NFILZ: variants seen among roughly 807,000 people sequenced by gnomAD.
NFILZ encodes NFIL3 like basic leucine zipper.
intron 3 of NFILZ, among the ~76,000 whole-genome samples, chr19:8,672,554 G>T (rs2043092944): frequency 6.7e-6 from 1 of 149,672 alleles, no homozygotes; most frequent in Admixed American, 6.7e-5. Context: ...AAATTCATGT[G>T]TTTATTAGTT....
chr19:8,654,344 G>T (rs1211832115), intron 3 of NFILZ, among the ~76,000 whole-genome samples: 1 of 149,716 alleles, frequency 6.7e-6, no homozygotes, highest in Non-Finnish European at 1.5e-5. Context: ...ATGGCTGGCA[G>T]TGGTGGCTTA....
intron 3 of NFILZ, among the ~76,000 whole-genome samples, chr19:8,646,013 A>G (rs2042937517): frequency 6.6e-6 from 1 of 152,110 alleles, no homozygotes; most frequent in Non-Finnish European, 1.5e-5. Flanking sequence ...TATAGCTCCT[A>G]CTACATGCCA....
intron 3 of NFILZ, among the ~76,000 whole-genome samples, chr19:8,656,370 C>CT (rs1600147477): frequency 3.2e-5 from 2 of 62,722 alleles, no homozygotes; most frequent in Middle Eastern, 6.6e-3. Flanking sequence ...AGCCCACCTT[C>CT]TCCCTGAAGC....
chr19:8,668,566 T>C (rs1555750027), intron 3 of NFILZ, among the ~76,000 whole-genome samples: 1 of 152,226 alleles, frequency 6.6e-6, no homozygotes, highest in African/African-American at 2.4e-5. Context: ...TAATATCTTC[T>C]AGTTGGGGAG....
chr19:8,654,501 G>A lies in NFILZ; in HGVS notation c.-164+18755G>A, dbSNP rs191871293. On this transcript the variant is annotated intron_variant, in intron 3 of 5. Transcript: ENST00000691075. ...ACGGTGGCACACATCTGTAATCCCA[G>A]CTACTAGGGAGGCTGAGGTGGGAAG... Among the ~76,000 whole-genome samples, 139 of 152,000 alleles carry A rather than the reference G, an allele frequency of 9.1e-4. 5 individuals are homozygous for A. In the East Asian group the frequency reaches 0.021, roughly 23 times the overall value.
chr19:8,656,445 C>CAGCCCACCTTCTCTCT (rs1568421649), intron 3 of NFILZ, among the ~76,000 whole-genome samples: 1 of 18,824 alleles, frequency 5.3e-5, no homozygotes, highest in Non-Finnish European at 1.5e-4. Context: ...ACCTTCTCCT[C>CAGCCCACCTTCTCTCT]GAAGCCCACC....
chr19:8,678,862 T>C lies in NFILZ; in HGVS notation c.*1227T>C, dbSNP rs1328493194. Among the ~76,000 whole-genome samples, 1 of 152,202 alleles carries C rather than the reference T, an allele frequency of 6.6e-6. No individual in the cohort carries two copies. Among genetic ancestry groups the C allele is most frequent in the Non-Finnish European group, 1.5e-5 (1 of 68,036 alleles). Reference sequence around the variant, plus strand: ...AGACCTTCCTTTTGTGCCCAGTTAGTGACAAGTGAGAAGACACTTTTCTGG... The same window carrying C: ...AGACCTTCCTTTTGTGCCCAGTTAGCGACAAGTGAGAAGACACTTTTCTGG... On this transcript the variant is annotated 3_prime_UTR_variant, in exon 6 of 6. Coordinates refer to ENST00000691075, the MANE Select transcript of NFILZ (RefSeq NM_001378600.1).
At chr19:8,669,057 C>T (rs1197539489) in intron 3 of NFILZ, among the ~76,000 whole-genome samples, 1 of 152,158 alleles carries the variant, frequency 6.6e-6, no homozygotes, top group African/African-American at 2.4e-5. Flanking sequence ...GATTCTCCTG[C>T]CTCAGTCTCC....
intron 3 of NFILZ, among the ~76,000 whole-genome samples, chr19:8,650,527 G>C (rs550824602): frequency 6.6e-6 from 1 of 151,972 alleles, no homozygotes; most frequent in Non-Finnish European, 1.5e-5. Flanking sequence ...GGTGGCACGC[G>C]CCTGTAATCC....
At chr19:8,661,842 G>A (rs942399057) in intron 3 of NFILZ, among the ~76,000 whole-genome samples, 1 of 152,080 alleles carries the variant, frequency 6.6e-6, no homozygotes, top group Admixed American at 6.6e-5. Flanking sequence ...CAGAGATCGC[G>A]CCACTGTAAT....
At chr19:8,645,326 T>C (rs1190482026) in intron 3 of NFILZ, among the ~76,000 whole-genome samples, 1 of 147,486 alleles carries the variant, frequency 6.8e-6, no homozygotes, top group Non-Finnish European at 1.5e-5. Context: ...TTTTAAGATA[T>C]GGGGGTCTAG....
chr19:8,654,318 G>GA (rs146670629), intron 3 of NFILZ, among the ~76,000 whole-genome samples: 18,897 of 92,766 alleles, frequency 0.2, 2,155 homozygotes, highest in East Asian at 0.5. Flanking sequence ...AAAAGCTACT[G>GA]AAAAAAAAAA....
At chr19:8,656,284 C>CCCACAG (rs1420223130) in intron 3 of NFILZ, among the ~76,000 whole-genome samples, 9,711 of 50,526 alleles carry the variant, frequency 0.19, 2,700 homozygotes, top group Non-Finnish European at 0.36. Context: ...CCCACCTTCT[C>CCCACAG]CCCACAGCCC....
At chr19:8,649,603 C>T (rs913281169) in intron 3 of NFILZ, among the ~76,000 whole-genome samples, 3 of 152,066 alleles carry the variant, frequency 2.0e-5, no homozygotes, top group Middle Eastern at 3.4e-3. Context: ...TTTCCATGAG[C>T]GCCTGTCTTG....
intron 3 of NFILZ, among the ~76,000 whole-genome samples, chr19:8,664,041 A>T (rs1289739988): frequency 6.6e-6 from 1 of 152,054 alleles, no homozygotes; most frequent in African/African-American, 2.4e-5. Context: ...TCCAAGACCG[A>T]GATGAATTTT....
At chr19:8,632,195 T>C (rs1212696719) in intron 1 of NFILZ, among the ~76,000 whole-genome samples, 1 of 150,850 alleles carries the variant, frequency 6.6e-6, no homozygotes, top group Non-Finnish European at 1.5e-5. Flanking sequence ...ACTGGGATGC[T>C]CTAGAGGAGC....
In NFILZ at chr19:8,648,158, C is replaced by T. The variant is rs367882501; in HGVS notation, c.-164+12412C>T. Among the ~76,000 whole-genome samples, 324 of 112,480 alleles carry T rather than the reference C, an allele frequency of 2.9e-3. 1 individual carries two copies. The highest frequency in any genetic ancestry group is 0.01 in the African/African-American group (295 of 28,158). 73.8% of individuals were successfully genotyped at this position (112,480 alleles called of 152,430 possible). ...CACTGTACTCCAACCTGGGCATGAG[C>T]GAGACTCCGTCTCAAAAAAAAAAAA... On this transcript the variant is annotated intron_variant, in intron 3 of 5. Coordinates refer to ENST00000691075, the MANE Select transcript of NFILZ (RefSeq NM_001378600.1).
intron 4 of NFILZ, among the ~76,000 whole-genome samples, chr19:8,675,027 T>C (rs2043104645): frequency 6.6e-6 from 1 of 152,150 alleles, no homozygotes; most frequent in African/African-American, 2.4e-5. Context: ...AACAAGGTTG[T>C]TTTCATTCAT....
intron 3 of NFILZ, among the ~76,000 whole-genome samples, chr19:8,673,684 G>A (rs1478252737): frequency 2.0e-5 from 3 of 152,258 alleles, no homozygotes; most frequent in African/African-American, 7.2e-5. Flanking sequence ...GGGCACTGGA[G>A]TCCCTCCCAT....
Sources: allele counts gnomAD v4.1 joint callset (sites outside exome capture counted in the v4.1 genomes callset), GRCh38; gene constraint gnomAD v4.1.1; transcripts MANE v1.5; gene names NCBI Gene and HGNC (gene_info 2026-07-23, HGNC 2026-07-21).